The following NTM variants were observed in gnomAD, a reference collection of about 807,000 sequenced individuals.
NTM encodes neurotrimin.
A neutral mutation model predicts 42.1 loss-of-function variants in NTM; 13 were observed. That is an observed-to-expected ratio of 0.31 (90% CI 0.20 to 0.49). The LOEUF (loss-of-function observed/expected upper bound fraction) is 0.49. Among genes scored for constraint, NTM ranks in the 20% least tolerant of loss-of-function variants. The pLI, the probability that NTM is intolerant of heterozygous loss-of-function variation, is 0.99. For missense variants in NTM, 373 were observed against 452.8 expected, an observed-to-expected ratio of 0.82 and a Z score of 1.60; for synonymous variants, 187 against 179.2, an observed-to-expected ratio of 1.04 and a Z score of -0.35.
chr11:131,956,676 G>A (rs770972947), intron 2 of NTM, among the ~76,000 whole-genome samples: 11 of 151,070 alleles, frequency 7.3e-5, no homozygotes, highest in African/African-American at 2.7e-4. Context: ...TTCCAGCTCC[G>A]GTGTTTGCCC....
At chr11:131,812,183 CCTCTCTCTCTCTCTCTCTCTCT>C (rs145003478) in intron 1 of NTM, among the ~76,000 whole-genome samples, 2 of 142,948 alleles carry the variant, frequency 1.4e-5, no homozygotes, top group Admixed American at 6.8e-5. Context: ...AATTAGTCAG[CCTCTCTCTCTCTCTCTCTCTCT>C]CTCTCTCTCT....
At chr11:132,102,254 A>G (rs1350522765) in intron 2 of NTM, among the ~76,000 whole-genome samples, 2 of 152,206 alleles carry the variant, frequency 1.3e-5, no homozygotes, top group Admixed American at 1.3e-4. Flanking sequence ...ATACTTTTTT[A>G]TGCATCTCTA....
intron 2 of NTM, among the ~76,000 whole-genome samples, chr11:132,110,087 G>A (rs994076727): frequency 6.6e-6 from 1 of 152,058 alleles, no homozygotes; most frequent in African/African-American, 2.4e-5. Context: ...TGTTGTCTTC[G>A]GAGAACTTAC....
intron 2 of NTM, among the ~76,000 whole-genome samples, chr11:131,948,317 A>T (rs1166130827): frequency 6.6e-6 from 1 of 151,890 alleles, no homozygotes; most frequent in Non-Finnish European, 1.5e-5. Context: ...GTGAGCCGAG[A>T]TCACGCCACT....
At chr11:131,810,379 T>A (rs1364087296) in intron 1 of NTM, among the ~76,000 whole-genome samples, 2 of 152,142 alleles carry the variant, frequency 1.3e-5, no homozygotes, top group Non-Finnish European at 2.9e-5. Context: ...TGAATCTGAT[T>A]TGTGGCAGTA....
At chr11:132,131,381 A>G (rs2066789327) in intron 2 of NTM, among the ~76,000 whole-genome samples, 1 of 152,216 alleles carries the variant, frequency 6.6e-6, no homozygotes, top group African/African-American at 2.4e-5. Flanking sequence ...TGAACTAGGT[A>G]CCATGGAAGG....
At chr11:131,851,532 CGTGTGTGTGTGTGTGTGTGTGT>C in intron 1 of NTM, among the ~76,000 whole-genome samples, 1 of 146,702 alleles carries the variant, frequency 6.8e-6, no homozygotes, top group South Asian at 2.2e-4. Flanking sequence ...GTGAGAATGG[CGTGTGTGTGTGTGTGTGTGTGT>C]GTGTGTGTGT....
intron 1 of NTM, among the ~76,000 whole-genome samples, chr11:131,881,376 G>A (rs1439309051): frequency 6.6e-6 from 1 of 152,030 alleles, no homozygotes; most frequent in Non-Finnish European, 1.5e-5. Context: ...TCCAGTCCCG[G>A]ATTGGTCAGT....
intron 2 of NTM, among the ~76,000 whole-genome samples, chr11:132,033,822 T>A (rs1429326330): frequency 6.6e-6 from 1 of 152,188 alleles, no homozygotes; most frequent in Non-Finnish European, 1.5e-5. Context: ...ATTACGGGAT[T>A]TGTTTTATAG....
At chr11:132,044,369 C>A (rs1225642697) in intron 2 of NTM, among the ~76,000 whole-genome samples, 1 of 152,082 alleles carries the variant, frequency 6.6e-6, no homozygotes, top group Non-Finnish European at 1.5e-5. Context: ...CTTTTCCCTG[C>A]AATACCTGGA....
chr11:131,851,199 A>G (rs1434109235), intron 1 of NTM, among the ~76,000 whole-genome samples: 3 of 152,114 alleles, frequency 2.0e-5, no homozygotes, highest in African/African-American at 4.8e-5. Flanking sequence ...AAAAGTATGA[A>G]GTATAGTGGG....
intron 1 of NTM, among the ~76,000 whole-genome samples, chr11:131,495,021 T>C (rs1207015100): frequency 6.6e-6 from 1 of 152,206 alleles, no homozygotes; most frequent in Non-Finnish European, 1.5e-5. Flanking sequence ...TGGAGGAAAT[T>C]TGGATGGTTC....
At chr11:131,403,699 A>G (rs1037449457) in intron 1 of NTM, among the ~76,000 whole-genome samples, 5 of 152,038 alleles carry the variant, frequency 3.3e-5, no homozygotes, top group African/African-American at 4.8e-5. Flanking sequence ...CCCTCCTCAA[A>G]AGTTTTATAA....
intron 1 of NTM, among the ~76,000 whole-genome samples, chr11:131,470,072 C>T (rs1041577670): frequency 4.6e-5 from 7 of 152,210 alleles, no homozygotes; most frequent in African/African-American, 1.4e-4. Context: ...CTGTGTGTCT[C>T]ATCTACATGG....
intron 2 of NTM, among the ~76,000 whole-genome samples, chr11:131,949,390 G>C (rs12274707): frequency 0.19 from 29,064 of 152,122 alleles, 3,179 homozygotes; most frequent in Middle Eastern, 0.31. Context: ...AGCTCATAAA[G>C]GTGGAAGCTT....
Position 131,753,861 on chromosome 11 carries a change from G to A in NTM, c.83-157703G>A, listed in dbSNP as rs1279643744. Among the ~76,000 whole-genome samples the A allele has an allele frequency of 4.7e-5, 7 of 150,114 alleles. No individual in the cohort carries two copies. The South Asian group carries it at 1.5e-3, about 32-fold the overall frequency. ...TACATATGTAACTAACCTGCACATTGTGCACATGTACCCTAAAACTTAAAG... is the reference window on the plus strand; with the variant it reads ...TACATATGTAACTAACCTGCACATTATGCACATGTACCCTAAAACTTAAAG... On this transcript the variant is annotated intron_variant, in intron 1 of 8. Transcript: ENST00000683400.
At chr11:131,375,232 C>T (rs1321068777) in intron 1 of NTM, among the ~76,000 whole-genome samples, 1 of 152,154 alleles carries the variant, frequency 6.6e-6, no homozygotes, top group Non-Finnish European at 1.5e-5. Flanking sequence ...GGAGCGACTC[C>T]CCTGGGTGTT....
chr11:132,250,994 G>T (rs985910957), intron 4 of NTM, among the ~76,000 whole-genome samples: 6 of 152,148 alleles, frequency 3.9e-5, no homozygotes, highest in African/African-American at 1.4e-4. Flanking sequence ...TAAAATGAAA[G>T]CACCTTCCCT....
intron 1 of NTM, among the ~76,000 whole-genome samples, chr11:131,469,660 C>T (rs2136168782): frequency 6.6e-6 from 1 of 152,312 alleles, no homozygotes; most frequent in East Asian, 1.9e-4. Context: ...ACAAGATTGC[C>T]TGGGGCTAAA....
Sources: gnomAD v4.1 joint callset for allele counts (sites outside exome capture counted in the v4.1 genomes callset) on GRCh38, gnomAD v4.1.1 for gene constraint, MANE v1.5 for transcripts, NCBI Gene and HGNC (gene_info 2026-07-23, HGNC 2026-07-21) for gene names.